TANGO6: variants seen among roughly 807,000 people sequenced by gnomAD.
TANGO6 encodes transport and Golgi organization protein 6 homolog.
Under a neutral mutation model 114.2 loss-of-function variants are expected in TANGO6, and 90 were observed. The ratio of observed to expected loss-of-function variants is 0.79; its 90% CI spans 0.66 to 0.94. The LOEUF (loss-of-function observed/expected upper bound fraction) is 0.94. Ranked by LOEUF, TANGO6 falls within the 40% of genes least tolerant of loss-of-function variation. The probability of loss-of-function intolerance (pLI) is 0.00; values close to 1 mark genes in which losing one functional copy is unlikely to be tolerated. For synonymous variants in TANGO6, 477 were observed against 509.8 expected (o/e 0.94, Z 0.87); for missense variants, 1,274 against 1,315.3 (o/e 0.97, Z 0.49).
intron 1 of TANGO6, among the ~76,000 whole-genome samples, chr16:68,848,445 A>C (rs1313424175): frequency 6.6e-6 from 1 of 152,106 alleles, no homozygotes; most frequent in African/African-American, 2.4e-5. Context: ...TCCTTTTTAC[A>C]AAAATGATCT....
At chr16:69,048,530 G>A (rs558664766) in intron 17 of TANGO6, among the ~76,000 whole-genome samples, 2 of 151,990 alleles carry the variant, frequency 1.3e-5, no homozygotes, top group African/African-American at 4.8e-5. Flanking sequence ...TAGCCTCCCA[G>A]GGATTAATTA....
intron 16 of TANGO6, among the ~76,000 whole-genome samples, chr16:69,030,920 G>T (rs1959583257): frequency 6.6e-6 from 1 of 151,848 alleles, no homozygotes; most frequent in African/African-American, 2.4e-5. Context: ...GCTGGGCATG[G>T]TGGTGCACGC....
chr16:68,863,398 G>C (rs576142347), intron 3 of TANGO6, among the ~76,000 whole-genome samples: 1 of 151,452 alleles, frequency 6.6e-6, no homozygotes, highest in Non-Finnish European at 1.5e-5. Context: ...ACCTGAGGTC[G>C]TGAGTTCGAG....
chr16:68,976,242 G>T (rs899735364), intron 15 of TANGO6, among the ~76,000 whole-genome samples: 2 of 152,122 alleles, frequency 1.3e-5, no homozygotes, highest in African/African-American at 4.8e-5. Flanking sequence ...CCAGAATGAG[G>T]ATATTAATAA....
At chr16:69,018,689 G>A (rs1207155468) in intron 15 of TANGO6, among the ~76,000 whole-genome samples, 8 of 151,126 alleles carry the variant, frequency 5.3e-5, no homozygotes, top group Non-Finnish European at 8.9e-5. Context: ...TTTGGAGGCC[G>A]AGGCGGGCGG....
At chr16:69,047,350 C>T (rs974696116) in intron 17 of TANGO6, among the ~76,000 whole-genome samples, 1 of 151,988 alleles carries the variant, frequency 6.6e-6, no homozygotes, top group East Asian at 1.9e-4. Context: ...CAAAAATTAG[C>T]GAGGCATGAT....
At chr16:69,030,147 G>A (rs909994572) in intron 16 of TANGO6, among the ~76,000 whole-genome samples, 3 of 150,562 alleles carry the variant, frequency 2.0e-5, no homozygotes, top group African/African-American at 7.3e-5. Context: ...GAAGAACAGA[G>A]TGATCAGTGT....
intron 14 of TANGO6, among the ~76,000 whole-genome samples, chr16:68,970,386 G>A (rs1963690131): frequency 6.6e-6 from 1 of 152,128 alleles, no homozygotes; most frequent in Non-Finnish European, 1.5e-5. Flanking sequence ...CAACAGTAAG[G>A]GCCCGGCACG....
At chr16:68,893,007 T>C (rs1962648044) in intron 7 of TANGO6, among the ~76,000 whole-genome samples, 1 of 152,222 alleles carries the variant, frequency 6.6e-6, no homozygotes, top group Non-Finnish European at 1.5e-5. Context: ...CTGAACATGA[T>C]TTCATCTTTA....
chr16:68,873,127 A>C lies in TANGO6; in HGVS notation c.995-2027A>C, dbSNP rs1962304551. On this transcript the variant is annotated intron_variant, in intron 4 of 17. Transcript: ENST00000261778. ...TCAACCCTCCCCCCATGTCCCCCCA[A>C]AGAAGCCCTCATACTCACTAGCAAT... 2.6e-5 allele frequency among the ~76,000 whole-genome samples: 4 copies of C among 150,970 alleles called. No individual in the cohort carries two copies. The South Asian group carries it at 8.4e-4, about 32-fold the overall frequency.
intron 2 of TANGO6, among the ~76,000 whole-genome samples, chr16:68,861,494 G>A (rs893351428): frequency 2.0e-5 from 3 of 152,136 alleles, no homozygotes; most frequent in Non-Finnish European, 2.9e-5. Flanking sequence ...AGCAGAGTGC[G>A]TCCTCCTTCC....
intron 15 of TANGO6, among the ~76,000 whole-genome samples, chr16:68,995,675 A>G (rs1162229918): frequency 1.3e-5 from 2 of 152,182 alleles, no homozygotes; most frequent in Admixed American, 6.5e-5. Flanking sequence ...GTGTTTGCCC[A>G]TGCTGGAACT....
At chr16:68,851,300 C>T (rs1961899204) in intron 1 of TANGO6, among the ~76,000 whole-genome samples, 1 of 152,092 alleles carries the variant, frequency 6.6e-6, no homozygotes, top group African/African-American at 2.4e-5. Flanking sequence ...ACTGGGATTA[C>T]AGGTGCCTGC....
chr16:69,021,807 G>A (rs921094754), intron 15 of TANGO6, among the ~76,000 whole-genome samples: 1 of 151,720 alleles, frequency 6.6e-6, no homozygotes, highest in African/African-American at 2.4e-5. Context: ...AATTATAGTT[G>A]GGCTGGGTTT....
chr16:69,050,262 G>A (rs959039102), intron 17 of TANGO6, among the ~76,000 whole-genome samples: 9 of 152,092 alleles, frequency 5.9e-5, no homozygotes, highest in Admixed American at 2.6e-4. Context: ...ATACATTCTA[G>A]CATGTATCAA....
chr16:68,898,678 G>A (rs1276481733), intron 7 of TANGO6, among the ~76,000 whole-genome samples: 1 of 151,964 alleles, frequency 6.6e-6, no homozygotes, highest in Non-Finnish European at 1.5e-5. Flanking sequence ...TAGTGACTTT[G>A]TGAGATTGTT....
At chr16:68,860,557 A>T (rs1962078377) in intron 2 of TANGO6, 33 bp downstream of exon 2, 1 of 1,600,202 alleles carries the variant, frequency 6.2e-7, no homozygotes, top group African/African-American at 1.3e-5. Context: ...AGAGGGAGAG[A>T]TTGTGTGTGT....
rs11291012 is a variant in TANGO6 at position 68,970,667 on chromosome 16, CAAAAAAAA to C, written c.2702-3350_2702-3343del. Among the ~76,000 whole-genome samples, 681 of 110,612 alleles carry C rather than the reference CAAAAAAAA, an allele frequency of 6.2e-3. 3 individuals carry two copies. Among genetic ancestry groups the C allele is most frequent in the South Asian group, 0.023 (76 of 3,340 alleles). The allele number at this position is 110,612 out of a possible 152,430, so 72.6% of individuals were successfully genotyped here. A position where few individuals can be genotyped will look rare whatever the true frequency, so the allele number is the denominator to read the frequency against. On this transcript the variant is annotated intron_variant, in intron 14 of 17. Transcript: ENST00000261778. The stretch of plus-strand genomic sequence containing the variant: ...GGGCAACAAGAACAAAACTTCGTCT[CAAAAAAAA>C]AAAAAAAAAAGACTATGTTAAACAA...
chr16:68,965,387 C>G (rs1190994095), intron 14 of TANGO6, among the ~76,000 whole-genome samples: 1 of 152,184 alleles, frequency 6.6e-6, no homozygotes, highest in African/African-American at 2.4e-5. Flanking sequence ...TCTTTCTACT[C>G]TCACCCTGCA....
Sources: gnomAD v4.1 joint callset for allele counts (sites outside exome capture counted in the v4.1 genomes callset) on GRCh38, gnomAD v4.1.1 for gene constraint, MANE v1.5 for transcripts, NCBI Gene and HGNC (gene_info 2026-07-23, HGNC 2026-07-21) for gene names.